KIAA1217: variants seen among roughly 807,000 people sequenced by gnomAD.
The protein encoded by KIAA1217 is sickle tail protein homolog.
Under a neutral mutation model 163.9 loss-of-function variants are expected in KIAA1217, and 88 were observed. That is an observed-to-expected ratio of 0.54 (90% CI 0.45 to 0.64). The LOEUF (loss-of-function observed/expected upper bound fraction) is 0.64. Ranked by LOEUF, KIAA1217 falls within the 30% of genes least tolerant of loss-of-function variation. The pLI is 0.00. For missense variants in KIAA1217, 2,372 were observed against 2,475.0 expected (o/e 0.96, Z 0.88); for synonymous variants, 903 against 923.1 (o/e 0.98, Z 0.39).
chr10:23,853,596 T>C (rs1839477780), intron 1 of KIAA1217, among the ~76,000 whole-genome samples: 1 of 152,140 alleles, frequency 6.6e-6, no homozygotes, highest in Admixed American at 6.6e-5. Flanking sequence ...ATGGTACCAA[T>C]TCCTCCTTGT....
chr10:24,364,379 G>A (rs11014058), intron 2 of KIAA1217, among the ~76,000 whole-genome samples: 4,323 of 152,290 alleles, frequency 0.028, 101 homozygotes, highest in East Asian at 0.096. Context: ...TATGTGAGAG[G>A]CCTAATAAAA....
intron 1 of KIAA1217, among the ~76,000 whole-genome samples, chr10:23,923,640 C>A (rs57394781): frequency 0.22 from 33,701 of 151,784 alleles, 7,841 homozygotes; most frequent in African/African-American, 0.59. Context: ...CAAGCCACAA[C>A]AACAGGTCAC....
intron 2 of KIAA1217, among the ~76,000 whole-genome samples, chr10:24,014,935 TATA>T (rs1037030824): frequency 1.3e-5 from 2 of 152,018 alleles, no homozygotes; most frequent in Non-Finnish European, 2.9e-5. Flanking sequence ...CAAAAATTAA[TATA>T]ATATCTTCGA....
At chr10:24,454,030 G>A (rs181597363) in intron 5 of KIAA1217, among the ~76,000 whole-genome samples, 2 of 152,084 alleles carry the variant, frequency 1.3e-5, no homozygotes, top group African/African-American at 4.8e-5. Flanking sequence ...GAGGGTTCAA[G>A]GAAGGAACAG....
At chr10:23,801,332 G>A (rs1393177683) in intron 1 of KIAA1217, among the ~76,000 whole-genome samples, 1 of 152,156 alleles carries the variant, frequency 6.6e-6, no homozygotes, top group Admixed American at 6.5e-5. Flanking sequence ...TCGTGGGAGT[G>A]GAAGACTAGG....
At chr10:24,019,712 C>G (rs1229883834) in intron 2 of KIAA1217, among the ~76,000 whole-genome samples, 1 of 151,960 alleles carries the variant, frequency 6.6e-6, no homozygotes, top group African/African-American at 2.4e-5. Flanking sequence ...ACAATGGCAG[C>G]ACACTACATT....
At chr10:24,054,561 C>T (rs892708059) in intron 2 of KIAA1217, among the ~76,000 whole-genome samples, 4 of 152,324 alleles carry the variant, frequency 2.6e-5, no homozygotes, top group Non-Finnish European at 4.4e-5. Flanking sequence ...GGGTATTCTA[C>T]GCATTTCCTC....
At chr10:24,361,000 A>G (rs886590842) in intron 2 of KIAA1217, among the ~76,000 whole-genome samples, 1 of 152,098 alleles carries the variant, frequency 6.6e-6, no homozygotes, top group Non-Finnish European at 1.5e-5. Context: ...AAAAGTAACC[A>G]TGGATATTCT....
At chr10:23,818,110 CATAT>C (rs71397919) in intron 1 of KIAA1217, among the ~76,000 whole-genome samples, 1 of 130,844 alleles carries the variant, frequency 7.6e-6, no homozygotes, top group Non-Finnish European at 1.6e-5. Flanking sequence ...CACACACACA[CATAT>C]ATATATATAC....
rs1210930891 is a variant in KIAA1217, at chr10:24,177,258, CATATATATATAT to C, written c.-170-42339_-170-42328del. 2.8e-3 allele frequency among the ~76,000 whole-genome samples: 71 copies of C among 25,154 alleles called. 1 individual carries two copies. The highest frequency in any genetic ancestry group is 0.011 in the South Asian group (6 of 534). 16.5% of individuals were successfully genotyped at this position (25,154 alleles called of 152,430 possible). A position where few individuals can be genotyped will look rare whatever the true frequency, so the allele number is the denominator to read the frequency against. On this transcript the variant is annotated intron_variant, in intron 2 of 18. Coordinates refer to the KIAA1217 transcript ENST00000376462. ...CTAGCACGTTTTCACCTCTCACCAT[CATATATATATAT>C]ATATATATATATATATATATATATA... is the stretch of plus-strand genomic sequence containing the variant.
At chr10:23,758,305 T>TA (rs532138409) in intron 1 of KIAA1217, among the ~76,000 whole-genome samples, 71 of 152,290 alleles carry the variant, frequency 4.7e-4, no homozygotes, top group African/African-American at 1.6e-3. Flanking sequence ...CCATTTGTTT[T>TA]AAAAAAATTA....
At chr10:24,153,626 A>G (rs1019020949) in intron 2 of KIAA1217, among the ~76,000 whole-genome samples, 1 of 152,160 alleles carries the variant, frequency 6.6e-6, no homozygotes, top group African/African-American at 2.4e-5. Context: ...ACTGACCTGT[A>G]TATTGTTCTC....
intron 2 of KIAA1217, among the ~76,000 whole-genome samples, chr10:24,057,092 T>A (rs570745570): frequency 1.9e-4 from 28 of 150,332 alleles, no homozygotes; most frequent in Non-Finnish European, 3.0e-4. Flanking sequence ...AAAAAAAAAA[T>A]TTAAATTAGC....
chr10:24,365,970 T>A (rs1403073029), intron 2 of KIAA1217, among the ~76,000 whole-genome samples: 1 of 152,176 alleles, frequency 6.6e-6, no homozygotes, highest in Non-Finnish European at 1.5e-5. Context: ...GGCTCCTATA[T>A]GTTACTAGTC....
chr10:23,766,207 G>A (rs538922290), intron 1 of KIAA1217, among the ~76,000 whole-genome samples: 58 of 152,354 alleles, frequency 3.8e-4, no homozygotes, highest in Non-Finnish European at 7.5e-4. Context: ...TCTAAGTCAA[G>A]TGTGATTTTG....
At chr10:24,527,226 A>G (rs1294468560) in intron 13 of KIAA1217, among the ~76,000 whole-genome samples, 1 of 151,896 alleles carries the variant, frequency 6.6e-6, no homozygotes, top group Non-Finnish European at 1.5e-5. Flanking sequence ...AAGTGGTACT[A>G]AGACACAGGA....
chr10:24,039,425 G>A (rs901891644), intron 2 of KIAA1217, among the ~76,000 whole-genome samples: 28 of 152,032 alleles, frequency 1.8e-4, no homozygotes, highest in African/African-American at 5.3e-4. Context: ...GATATACAAC[G>A]CAATACTCCC....
chr10:23,776,337 G>T (rs996340831), intron 1 of KIAA1217, among the ~76,000 whole-genome samples: 1 of 69,252 alleles, frequency 1.4e-5, no homozygotes, highest in Non-Finnish European at 2.9e-5. Flanking sequence ...AGAGCTATTG[G>T]AAATATATAT....
chr10:24,457,458 G>T (rs2061925033), intron 5 of KIAA1217, among the ~76,000 whole-genome samples: 2 of 151,694 alleles, frequency 1.3e-5, no homozygotes, highest in South Asian at 4.1e-4. Context: ...GAGTGCAGTG[G>T]TATAATCATA....
Sources: allele counts gnomAD v4.1 joint callset (sites outside exome capture counted in the v4.1 genomes callset), GRCh38; gene constraint gnomAD v4.1.1; transcripts MANE v1.5; gene names NCBI Gene and HGNC (gene_info 2026-07-23, HGNC 2026-07-21).